Variants in ATE1 observed in about 807,000 individuals in gnomAD.
ATE1 encodes the protein arginyl-tRNA--protein transferase 1.
Under a neutral mutation model 70.5 loss-of-function variants are expected in ATE1, and 36 were observed. The ratio of observed to expected loss-of-function variants is 0.51; its 90% CI spans 0.39 to 0.67. ATE1 has a LOEUF of 0.67. Among genes scored for constraint, ATE1 ranks in the 30% least tolerant of loss-of-function variants. The probability of loss-of-function intolerance (pLI) is 0.00; values close to 1 mark genes in which losing one functional copy is unlikely to be tolerated. For synonymous variants in ATE1, 232 were observed against 219.3 expected (o/e 1.06, Z -0.51); for missense variants, 593 against 629.5 (o/e 0.94, Z 0.62).
chr10:121,867,097 C>T (rs954438737), intron 8 of ATE1, among the ~76,000 whole-genome samples: 1 of 152,174 alleles, frequency 6.6e-6, no homozygotes, highest in African/African-American at 2.4e-5. Flanking sequence ...TACTCTCAGT[C>T]TTAGCCCCAC....
At chr10:121,845,572 G>C (rs2133822426) in intron 8 of ATE1, among the ~76,000 whole-genome samples, 1 of 152,250 alleles carries the variant, frequency 6.6e-6, no homozygotes, top group East Asian at 1.9e-4. Flanking sequence ...TTCTAAGAAT[G>C]AAGGTAACAG....
At chr10:121,816,990 T>C (rs1947567824) in intron 10 of ATE1, among the ~76,000 whole-genome samples, 1 of 152,266 alleles carries the variant, frequency 6.6e-6, no homozygotes, top group South Asian at 2.1e-4. Context: ...ACTGTTCATT[T>C]ATCTGACAAT....
At chr10:121,863,845 T>C (rs1949565827) in intron 8 of ATE1, among the ~76,000 whole-genome samples, 1 of 152,124 alleles carries the variant, frequency 6.6e-6, no homozygotes, top group African/African-American at 2.4e-5. Context: ...AACTCCTGGG[T>C]TCAACTGATC....
At chr10:121,810,055 T>G (rs1471856106) in intron 10 of ATE1, among the ~76,000 whole-genome samples, 2 of 152,122 alleles carry the variant, frequency 1.3e-5, no homozygotes, top group Non-Finnish European at 2.9e-5. Context: ...ACAAAAGAGC[T>G]CTGGACATTC....
chr10:121,872,974 C>T (rs1389172002), intron 7 of ATE1, among the ~76,000 whole-genome samples: 1 of 152,098 alleles, frequency 6.6e-6, no homozygotes, highest in Non-Finnish European at 1.5e-5. Flanking sequence ...ATATCTGATT[C>T]TGCAGATGGG....
At chr10:121,857,058 A>G (rs886567530) in intron 8 of ATE1, among the ~76,000 whole-genome samples, 5 of 152,148 alleles carry the variant, frequency 3.3e-5, no homozygotes, top group Admixed American at 2.0e-4. Flanking sequence ...CATCCATAAA[A>G]TTTGTTTGAA....
At chr10:121,816,115 A>T (rs1947531099) in intron 10 of ATE1, among the ~76,000 whole-genome samples, 2 of 152,194 alleles carry the variant, frequency 1.3e-5, no homozygotes, top group South Asian at 4.1e-4. Context: ...AGAACGGAAC[A>T]AATTGATGGT....
intron 11 of ATE1, among the ~76,000 whole-genome samples, chr10:121,778,356 G>A (rs1349459391): frequency 1.3e-5 from 2 of 152,206 alleles, no homozygotes; most frequent in African/African-American, 2.4e-5. Flanking sequence ...AGGATCACAT[G>A]AATCTGAAAG....
intron 10 of ATE1, among the ~76,000 whole-genome samples, chr10:121,810,549 C>T (rs1947277270): frequency 2.0e-5 from 3 of 151,848 alleles, no homozygotes; most frequent in East Asian, 1.9e-4. Flanking sequence ...GGATTACAGG[C>T]GTGAGACACC....
chr10:121,829,801 G>A (rs1427927553), intron 10 of ATE1, among the ~76,000 whole-genome samples: 4 of 152,074 alleles, frequency 2.6e-5, no homozygotes, highest in Admixed American at 6.6e-5. Flanking sequence ...AAACATGTTC[G>A]TAGATTTTTC....
At chr10:121,799,233 C>T (rs914320688) in intron 10 of ATE1, among the ~76,000 whole-genome samples, 13 of 152,008 alleles carry the variant, frequency 8.6e-5, no homozygotes, top group African/African-American at 2.7e-4. Context: ...TGATCAAGAA[C>T]GGGTGGTGGG....
intron 3 of ATE1, among the ~76,000 whole-genome samples, chr10:121,919,340 C>G (rs181190794): frequency 6.6e-6 from 1 of 152,174 alleles, no homozygotes; most frequent in East Asian, 1.9e-4. Context: ...GGGCAGATCA[C>G]CTGAGGTCAG....
intron 11 of ATE1, among the ~76,000 whole-genome samples, chr10:121,777,755 C>T (rs1206642236): frequency 6.6e-6 from 1 of 152,132 alleles, no homozygotes; most frequent in African/African-American, 2.4e-5. Flanking sequence ...CTGATTTAGA[C>T]TTGTGATTTC....
At chr10:121,788,284 G>A (rs962733893) in intron 11 of ATE1, among the ~76,000 whole-genome samples, 1 of 152,170 alleles carries the variant, frequency 6.6e-6, no homozygotes, top group South Asian at 2.1e-4. Context: ...ACTTTACTCA[G>A]AATGAAACGA....
chr10:121,761,033 T>C (rs1283558030), intron 11 of ATE1, among the ~76,000 whole-genome samples: 1 of 152,172 alleles, frequency 6.6e-6, no homozygotes, highest in African/African-American at 2.4e-5. Context: ...CGAGTTCTCA[T>C]TCTATTAGTT....
At chr10:121,827,215 T>C (rs1361111852) in intron 10 of ATE1, among the ~76,000 whole-genome samples, 1 of 152,154 alleles carries the variant, frequency 6.6e-6, no homozygotes, top group Non-Finnish European at 1.5e-5. Flanking sequence ...GGTTTCACCA[T>C]GTTGGCCAGG....
In ATE1 at chr10:121,905,857, A is replaced by G. The variant is rs1416783454; in HGVS notation, c.584-3237T>C. Among the ~76,000 whole-genome samples the G allele has an allele frequency of 2.7e-5, 4 of 149,992 alleles. No homozygotes were observed. The South Asian group carries it at 8.5e-4, about 32-fold the overall frequency. ...CGAGACTCTGTCTCCAAGAGAGAGA[A>G]AAAAAAGTAGGATTTCAGCATATTA... On this transcript the variant is annotated intron_variant, in intron 5 of 11. Coordinates refer to ENST00000224652, the MANE Select transcript of ATE1 (RefSeq NM_001001976.3).
chr10:121,928,191 G>C (rs930516865), upstream of ATE1: 2 of 1,314,366 alleles, frequency 1.5e-6, no homozygotes, highest in African/African-American at 3.1e-5. Context: ...TCGTCAGTGA[G>C]GGTGAGGCGG....
intron 6 of ATE1, among the ~76,000 whole-genome samples, chr10:121,900,760 T>C (rs1950950125): frequency 6.6e-6 from 1 of 152,202 alleles, no homozygotes; most frequent in Non-Finnish European, 1.5e-5. Flanking sequence ...AAAAGATCTC[T>C]ATACATCCTG....
Sources: gnomAD v4.1 joint callset for allele counts (sites outside exome capture counted in the v4.1 genomes callset) on GRCh38, gnomAD v4.1.1 for gene constraint, MANE v1.5 for transcripts, NCBI Gene and HGNC (gene_info 2026-07-23, HGNC 2026-07-21) for gene names.